The following DOCK8 variants were observed in gnomAD, a reference collection of about 807,000 sequenced individuals.
The protein encoded by DOCK8 is dedicator of cytokinesis 8, also known as dedicator of cytokinesis protein 8.
DOCK8 carries 141 observed loss-of-function variants against 245.6 expected under a neutral mutation model. The observed-to-expected ratio is 0.57, with a 90% confidence interval of 0.50 to 0.66. The LOEUF (loss-of-function observed/expected upper bound fraction) is 0.66. Among genes scored for constraint, DOCK8 ranks in the 30% least tolerant of loss-of-function variants. The pLI is 0.00. For synonymous variants in DOCK8, 1,168 were observed against 970.2 expected, an observed-to-expected ratio of 1.20 and a Z score of -3.79; for missense variants, 2,965 against 2,603.4, an observed-to-expected ratio of 1.14 and a Z score of -3.02.
At chr9:232,045 C>G (rs1408571682) in intron 1 of DOCK8, among the ~76,000 whole-genome samples, 3 of 152,092 alleles carry the variant, frequency 2.0e-5, no homozygotes, top group Non-Finnish European at 2.9e-5. Flanking sequence ...TCATAGATAG[C>G]TCTTATTATT....
At chr9:239,179 T>C (rs1448145449) in intron 1 of DOCK8, among the ~76,000 whole-genome samples, 4 of 152,176 alleles carry the variant, frequency 2.6e-5, no homozygotes, top group Admixed American at 6.6e-5. Context: ...GTTCACAAAA[T>C]TTATCCCTCT....
intron 18 of DOCK8, 51 bp downstream of exon 18, chr9:372,337 AC>A: frequency 6.9e-7 from 1 of 1,440,678 alleles, no homozygotes; most frequent in Non-Finnish European, 9.8e-7. Flanking sequence ...GTAGTCTTGG[AC>A]CACCTTCCCA....
chr9:443,386 G>T, intron 42 of DOCK8, 41 bp from the exon 43 acceptor site: 1 of 1,578,728 alleles, frequency 6.3e-7, no homozygotes, highest in Non-Finnish European at 8.7e-7. Context: ...GTTGCATTAT[G>T]TTAAAATAAC....
intron 46 of DOCK8, among the ~76,000 whole-genome samples, chr9:455,814 AAAG>A (rs1321379331): frequency 2.6e-5 from 4 of 151,674 alleles, no homozygotes; most frequent in African/African-American, 2.4e-5. Context: ...AATGGCAAAA[AAAG>A]AAGTTGTAAA....
chr9:415,319 C>T lies in DOCK8; in HGVS notation c.3700+368C>T, dbSNP rs574885702. 5.3e-5 allele frequency among the ~76,000 whole-genome samples: 8 copies of T among 152,180 alleles called. No individual in the cohort carries two copies. The South Asian group carries it at 1.7e-3, about 32-fold the overall frequency. ...CACCTTGAAATAAAGGTGTTCCTTC[C>T]CTTTTCTTTTATGAATATGTAAGCA... is the stretch of plus-strand genomic sequence containing the variant. On this transcript the variant is annotated intron_variant, in intron 29 of 47. Transcript: ENST00000432829.
chr9:434,902 C>T lies in DOCK8; in HGVS notation c.5006C>T (p.Ala1669Val). ...TEAAMCLVHA[A>V]ALVAEYLSML... The stretch of plus-strand genomic sequence containing the variant: ...GCTGCCATGTGCCTGGTGCACGCCG[C>T]TGCGTTAGTGGCTGAGTATCTGAGC... The change falls in exon 39 of 48, where the codon GCT becomes GTT. Residue 1669 changes from alanine to valine, a missense_variant. This residue lies in a region of DOCK8 where 2,825 missense variants were observed against 2,453.5 expected (regional missense o/e 1.15). Coordinates refer to ENST00000432829, the MANE Select transcript of DOCK8 (RefSeq NM_203447.4). 1 of 1,613,918 alleles carries T rather than the reference C, an allele frequency of 6.2e-7. No individual in the cohort carries two copies. Among genetic ancestry groups the T allele is most frequent in the Non-Finnish European group, 8.5e-7 (1 of 1,180,036 alleles).
At chr9:400,869 TCACCACCACCTCCAC>T (rs1191880177) in intron 26 of DOCK8, among the ~76,000 whole-genome samples, 2 of 26,182 alleles carry the variant, frequency 7.6e-5, no homozygotes, top group Non-Finnish European at 1.2e-4. Flanking sequence ...TCCTCCACCA[TCACCACCACCTCCAC>T]CACCACCACC....
chr9:242,759 T>C (rs763279769), intron 1 of DOCK8, among the ~76,000 whole-genome samples: 6 of 152,070 alleles, frequency 3.9e-5, no homozygotes, highest in Non-Finnish European at 8.8e-5. Context: ...AAAACTTACT[T>C]GTTGCTGGAA....
intron 39 of DOCK8, among the ~76,000 whole-genome samples, chr9:436,027 A>G (rs887458174): frequency 2.0e-5 from 3 of 152,226 alleles, no homozygotes; most frequent in Admixed American, 2.0e-4. Context: ...CTTCAACACA[A>G]TTTTGTGATG....
At chr9:383,284 C>A (rs1432808340) in intron 22 of DOCK8, among the ~76,000 whole-genome samples, 1 of 152,068 alleles carries the variant, frequency 6.6e-6, no homozygotes, top group African/African-American at 2.4e-5. Flanking sequence ...CCTGTAATCT[C>A]AGCACTTTGG....
At chr9:303,757 A>G (rs1043448377) in intron 4 of DOCK8, among the ~76,000 whole-genome samples, 8 of 152,206 alleles carry the variant, frequency 5.3e-5, no homozygotes, top group African/African-American at 1.2e-4. Flanking sequence ...CAATTTACCC[A>G]TGTAATGAAT....
chr9:244,117 G>A (rs189546114), intron 1 of DOCK8, among the ~76,000 whole-genome samples: 2 of 150,808 alleles, frequency 1.3e-5, no homozygotes, highest in Admixed American at 6.6e-5. Flanking sequence ...GAACCCGGGA[G>A]GTGGAGCTTG....
At chr9:379,736 C>G (rs773827928) in intron 20 of DOCK8, 35 bp from the exon 21 acceptor site, 4 of 1,613,288 alleles carry the variant, frequency 2.5e-6, no homozygotes, top group Non-Finnish European at 1.7e-6. Flanking sequence ...TAAGGACCAG[C>G]TGTGGGACTA....
intron 3 of DOCK8, among the ~76,000 whole-genome samples, chr9:287,262 G>C (rs1001018255): frequency 1.3e-5 from 2 of 152,080 alleles, no homozygotes; most frequent in South Asian, 2.1e-4. Context: ...TTCTATAGTT[G>C]GCTCTTCTAT....
chr9:244,457 G>A (rs661356), intron 1 of DOCK8, among the ~76,000 whole-genome samples: 91,067 of 151,670 alleles, frequency 0.6, 27,715 homozygotes, highest in East Asian at 0.8. Flanking sequence ...CCTTTTATAC[G>A]CACAGAGCAC....
intron 32 of DOCK8, among the ~76,000 whole-genome samples, chr9:421,344 C>T (rs1192235680): frequency 1.3e-5 from 2 of 152,182 alleles, no homozygotes; most frequent in Non-Finnish European, 2.9e-5. Flanking sequence ...TAAAAGGTCA[C>T]CTCTAAGAAT....
chr9:275,652 A>C (rs2048315477), intron 2 of DOCK8, among the ~76,000 whole-genome samples: 1 of 141,928 alleles, frequency 7.0e-6, no homozygotes, highest in African/African-American at 2.6e-5. Context: ...GCAGTGGCGC[A>C]ATCTTGGCTC....
chr9:420,168 A>G, intron 30 of DOCK8: 2 of 582,754 alleles, frequency 3.4e-6, no homozygotes, highest in Admixed American at 2.8e-5. Flanking sequence ...GCCTAGCTCA[A>G]ATACTGCCCC....
chr9:350,158 AT>A (rs1226509441), intron 14 of DOCK8, among the ~76,000 whole-genome samples: 1 of 152,084 alleles, frequency 6.6e-6, no homozygotes, highest in Non-Finnish European at 1.5e-5. Flanking sequence ...TGTCTCCAAG[AT>A]TGGAGTGCAG....
Sources: gnomAD v4.1 joint callset for allele counts (sites outside exome capture counted in the v4.1 genomes callset) on GRCh38, gnomAD v4.1.1 for gene constraint, gnomAD v4.1.1 regional missense constraint, MANE v1.5 for transcripts, NCBI Gene and HGNC (gene_info 2026-07-23, HGNC 2026-07-21) for gene names.